MTRF1: variants seen among roughly 807,000 people sequenced by gnomAD.
MTRF1 encodes mitochondrial translation release factor 1, also known as peptide chain release factor 1, mitochondrial.
MTRF1 carries 51 observed loss-of-function variants against 62.9 expected under a neutral mutation model. The observed-to-expected ratio is 0.81, with a 90% CI of 0.65 to 1.02. The LOEUF is 1.02. MTRF1 is among the 50% of genes least tolerant of loss of function. The pLI is 0.00. For synonymous variants in MTRF1, 158 were observed against 181.9 expected, an observed-to-expected ratio of 0.87 and a Z score of 1.06; for missense variants, 446 against 530.0, an observed-to-expected ratio of 0.84 and a Z score of 1.56.
chr13:41,231,664 T>C (rs1189904663), intron 7 of MTRF1, among the ~76,000 whole-genome samples: 1 of 152,132 alleles, frequency 6.6e-6, no homozygotes, highest in Non-Finnish European at 1.5e-5. Context: ...CTAATGGGTA[T>C]GTGGATAAGT....
chr13:41,295,632 G>A, the MTRF1 span, among the ~76,000 whole-genome samples: 1 of 152,006 alleles, frequency 6.6e-6, no homozygotes, highest in Non-Finnish European at 1.5e-5. Flanking sequence ...TGGTTACTTA[G>A]GAAAACTGAG....
chr13:41,308,573 G>A, the MTRF1 span, among the ~76,000 whole-genome samples: 1 of 152,330 alleles, frequency 6.6e-6, no homozygotes, highest in South Asian at 2.1e-4. Context: ...TGCTTGCTCA[G>A]TTCTCCGGGT....
chr13:41,253,340 G>T (rs9315817), intron 3 of MTRF1, among the ~76,000 whole-genome samples: 96,833 of 152,040 alleles, frequency 0.64, 31,086 homozygotes, highest in Admixed American at 0.66. Flanking sequence ...AGATTTTGGC[G>T]CTTATAATTA....
chr13:41,309,981 A>G, the MTRF1 span, among the ~76,000 whole-genome samples: 2 of 152,278 alleles, frequency 1.3e-5, no homozygotes, highest in Non-Finnish European at 2.9e-5. Context: ...CGGCAACAAG[A>G]ACAAAACATC....
At chr13:41,229,494 C>G (rs1449795581) in intron 7 of MTRF1, 1 of 152,190 alleles carries the variant, frequency 6.6e-6, no homozygotes, top group Non-Finnish European at 1.5e-5. Flanking sequence ...CTCCTCTCCC[C>G]CTTACCCTTC....
At chr13:41,218,673 A>C (rs1013348466) in intron 9 of MTRF1, among the ~76,000 whole-genome samples, 2 of 152,210 alleles carry the variant, frequency 1.3e-5, no homozygotes, top group African/African-American at 4.8e-5. Flanking sequence ...CATTTTAGAA[A>C]TGCTTGAAAT....
chr13:41,292,524 T>C, the MTRF1 span, among the ~76,000 whole-genome samples: 2 of 135,000 alleles, frequency 1.5e-5, no homozygotes, highest in Non-Finnish European at 3.0e-5. Flanking sequence ...GAGCTTGCAG[T>C]GAGCAGAGAT....
At chr13:41,273,279 T>A in the MTRF1 span, among the ~76,000 whole-genome samples, 1 of 149,370 alleles carries the variant, frequency 6.7e-6, no homozygotes, top group East Asian at 2.0e-4. Flanking sequence ...TGAGCCGAGA[T>A]CGCGCCACTG....
chr13:41,303,536 G>A, the MTRF1 span, among the ~76,000 whole-genome samples: 2 of 152,172 alleles, frequency 1.3e-5, no homozygotes, highest in East Asian at 1.9e-4. Flanking sequence ...ACTTGATTGA[G>A]GACCCAAAGG....
chr13:41,291,957 A>C, the MTRF1 span, among the ~76,000 whole-genome samples: 1 of 152,230 alleles, frequency 6.6e-6, no homozygotes, highest in African/African-American at 2.4e-5. Flanking sequence ...AAGTGTTTAT[A>C]AAAGTTAGGC....
chr13:41,263,751 C>T (rs947001357), upstream of MTRF1, among the ~76,000 whole-genome samples: 5 of 151,782 alleles, frequency 3.3e-5, no homozygotes, highest in Non-Finnish European at 5.9e-5. Context: ...CAGACAACCG[C>T]CCCCGCGCCG....
intron 5 of MTRF1, 129 bp downstream of exon 5, chr13:41,252,516 C>T: frequency 1.6e-6 from 1 of 621,936 alleles, no homozygotes; most frequent in South Asian, 2.2e-5. Context: ...ATTGATGAGC[C>T]TATGCCACAG....
chr13:41,280,230 C>T, the MTRF1 span, among the ~76,000 whole-genome samples: 110,854 of 152,128 alleles, frequency 0.73, 42,237 homozygotes, highest in South Asian at 0.89. Context: ...CCACCGCGCC[C>T]GGCCCACAAT....
the MTRF1 span, among the ~76,000 whole-genome samples, chr13:41,274,859 C>A: frequency 1.3e-5 from 2 of 151,950 alleles, no homozygotes; most frequent in African/African-American, 2.4e-5. Context: ...GTGATTCACC[C>A]CCCTTGGCCT....
chr13:41,236,943 C>A (rs541834796), intron 6 of MTRF1, among the ~76,000 whole-genome samples: 2 of 152,176 alleles, frequency 1.3e-5, no homozygotes, highest in African/African-American at 2.4e-5. Context: ...ACAGGCCCGG[C>A]ACTGTGGCTC....
At chr13:41,266,274 G>C (rs552677965), upstream of MTRF1, among the ~76,000 whole-genome samples, 22 of 152,008 alleles carry the variant, frequency 1.4e-4, no homozygotes, top group Non-Finnish European at 2.4e-4. Flanking sequence ...ATGGTTTTTT[G>C]TTATGGCAGC....
At chr13:41,231,005 C>T (rs1480883855) in intron 7 of MTRF1, among the ~76,000 whole-genome samples, 5 of 152,178 alleles carry the variant, frequency 3.3e-5, no homozygotes, top group Non-Finnish European at 1.5e-5. Context: ...GGATTACAGG[C>T]GTGAGCCACT....
At chr13:41,264,384 C>G (rs1465155168), upstream of MTRF1, among the ~76,000 whole-genome samples, 3 of 152,190 alleles carry the variant, frequency 2.0e-5, no homozygotes, top group Non-Finnish European at 4.4e-5. Context: ...TAAACAATTG[C>G]AGGAAAATGC....
At chr13:41,281,692 A>G in the MTRF1 span, among the ~76,000 whole-genome samples, 1 of 152,180 alleles carries the variant, frequency 6.6e-6, no homozygotes, top group African/African-American at 2.4e-5. Context: ...CGCCCATTCC[A>G]TGGACCCAGG....
Sources: allele counts gnomAD v4.1 joint callset (sites outside exome capture counted in the v4.1 genomes callset), GRCh38; gene constraint gnomAD v4.1.1; transcripts MANE v1.5; gene names NCBI Gene and HGNC (gene_info 2026-07-23, HGNC 2026-07-21).